Variants in RPGR observed in about 807,000 individuals in gnomAD.
RPGR encodes the protein X-linked retinitis pigmentosa GTPase regulator.
In RPGR, 10 loss-of-function variants were observed where a neutral mutation model predicts 56.3. The ratio of observed to expected loss-of-function variants is 0.18; its 90% CI spans 0.11 to 0.30. The LOEUF (loss-of-function observed/expected upper bound fraction) is 0.30. Among genes scored for constraint, RPGR ranks in the 10% least tolerant of loss-of-function variants. The pLI, the probability that RPGR is intolerant of heterozygous loss-of-function variation, is 1.00. For synonymous variants in RPGR, 197 were observed against 212.9 expected, an observed-to-expected ratio of 0.93 and a Z score of 0.65; for missense variants, 538 against 590.9, an observed-to-expected ratio of 0.91 and a Z score of 0.93.
intron 15 of RPGR, among the ~76,000 whole-genome samples, chrX:38,281,226 C>T (rs1273051871): frequency 2.7e-5 from 3 of 112,595 alleles, no homozygotes; most frequent in East Asian, 5.5e-4. Flanking sequence ...TAAACAAATG[C>T]ATGATCCACG....
chrX:38,298,993 T>C lies in RPGR; in HGVS notation c.1208A>G (p.Gln403Arg), dbSNP rs1175561018. The C allele has an allele frequency of 1.7e-6, 2 of 1,210,202 alleles. No individual in the cohort carries two copies. Among genetic ancestry groups the C allele is most frequent in the Non-Finnish European group, 2.2e-6 (2 of 895,337 alleles). ...CCGCATACGTGCTGATAGAGTCCTC[T>C]GCAGTACATTTCCTGAGGTTAAACT... Residue 403 changes from glutamine (Q) to arginine (R), a missense_variant, in exon 10 of 19, where the codon CAG becomes CGG. Gln to Arg is a conservative substitution (Grantham distance 43). Around this residue, in one of 2 missense-constraint regions of RPGR, gnomAD observed 357 missense variants for 325.8 expected, o/e 1.10. Transcript: ENST00000642395.
At chrX:38,272,941 A>G (rs2066868553) in intron 18 of RPGR, among the ~76,000 whole-genome samples, 1 of 111,779 alleles carries the variant, frequency 8.9e-6, no homozygotes. Flanking sequence ...AGTATAAAAA[A>G]TACTAAAAAC....
chrX:38,272,032 G>T (rs184011589), intron 18 of RPGR, among the ~76,000 whole-genome samples: 1 of 111,906 alleles, frequency 8.9e-6, no homozygotes, highest in Non-Finnish European at 1.9e-5. Context: ...TAAATAGGTA[G>T]GTTAAATAGC....
intron 14 of RPGR, chrX:38,287,621 T>C (rs1347162018): frequency 2.0e-6 from 1 of 512,364 alleles, no homozygotes; most frequent in South Asian, 2.5e-5. Context: ...ATCTTTTTTG[T>C]ACTCTTTTCC....
rs62640590 is a variant in RPGR, at chrX:38,304,664, C to G, written c.905G>C (p.Cys302Ser). ...TATCAAAGCTGTGTGATTTTCTCCA[C>G]AAGAAATATAACTTATTGTTTGATC... is the stretch of plus-strand genomic sequence containing the variant. Residue 302 changes from cysteine to serine, a missense_variant, in exon 8 of 19, where the codon TGT (cysteine) becomes TCT (serine). Cys to Ser is a moderately radical substitution (Grantham distance 112, BLOSUM62 -1). Transcript: ENST00000642395. The G allele has an allele frequency of 7.1e-4, 854 of 1,200,366 alleles. 2 individuals carry two copies. In the African/African-American group the frequency reaches 0.012, roughly 17 times the overall value.
rs1160775152 is a variant in RPGR, at chrX:38,297,286, G to T, written c.1412C>A (p.Pro471Gln). The change falls in exon 11 of 19, where the codon CCA (proline) becomes CAA (glutamine). Residue 471 changes from proline to glutamine, a missense_variant and splice_region_variant. Physicochemically the swap from Pro to Gln is moderately conservative, Grantham distance 76 (BLOSUM62 -1). Transcript: ENST00000642395. The stretch of plus-strand genomic sequence containing the variant: ...GCAGACAGAGTAGCAAATGTTACCT[G>T]GTTCCTCTGGCTGCATGAGGTCCTG... 1 of 1,209,293 alleles carries T rather than the reference G, an allele frequency of 8.3e-7. No individual in the cohort carries two copies.
intron 1 of RPGR, among the ~76,000 whole-genome samples, chrX:38,325,412 G>C (rs751036358): frequency 3.0e-4 from 33 of 111,319 alleles, no homozygotes; most frequent in African/African-American, 1.1e-3. Flanking sequence ...CATCATAATG[G>C]AGAGTTTGTA....
intron 10 of RPGR, among the ~76,000 whole-genome samples, chrX:38,297,910 A>G (rs1266898077): frequency 8.9e-6 from 1 of 112,116 alleles, no homozygotes; most frequent in Non-Finnish European, 1.9e-5. Flanking sequence ...TTTGAAACTT[A>G]TAGTAATTTT....
intron 8 of RPGR, 93 bp from the exon 9 acceptor site, chrX:38,301,464 A>G (rs2067500191): frequency 1.2e-6 from 1 of 816,149 alleles, no homozygotes; most frequent in East Asian, 3.3e-5. Flanking sequence ...TACTGCAATT[A>G]TAATTATCCC....
In RPGR at chrX:38,287,219, C is replaced by T; in HGVS notation, c.1780G>A (p.Glu594Lys). 1.7e-6 allele frequency: 2 copies of T among 1,210,574 alleles called. No homozygotes were observed. Among genetic ancestry groups the T allele is most frequent in the Non-Finnish European group, 2.2e-6 (2 of 895,326 alleles). The change falls in exon 15 of 19, where the codon GAG becomes AAG. Residue 594 changes from glutamate (E) to lysine (K), a missense_variant. Coordinates refer to ENST00000642395, the MANE Select transcript of RPGR (RefSeq NM_000328.3). ...TCTATTCCATTTCCTTTTGAATCCT[C>T]TGCTCCTTCCTTCTCCTCTGGGATC...
At chrX:38,297,654 A>G (rs1009415365) in intron 10 of RPGR, among the ~76,000 whole-genome samples, 40 of 111,449 alleles carry the variant, frequency 3.6e-4, no homozygotes, top group Admixed American at 9.6e-5. Context: ...CTAAATTTCA[A>G]TTTGGAAGCT....
chrX:38,286,884 C>A (rs1229557261), intron 15 of RPGR: 1 of 1,206,321 alleles, frequency 8.3e-7, no homozygotes, highest in Non-Finnish European at 1.1e-6. Context: ...CTTCCCCATC[C>A]CTCTTCTTCC....
rs1463327101 is a variant in RPGR, at chrX:38,269,335, A to G, written c.*291T>C. 1 of 164,312 alleles carries G rather than the reference A, an allele frequency of 6.1e-6. No homozygotes were observed. The highest frequency in any genetic ancestry group is 1.1e-5 in the Non-Finnish European group (1 of 87,859). 13.5% of individuals were successfully genotyped at this position (164,312 alleles called of 1,213,427 possible). The stretch of plus-strand genomic sequence containing the variant: ...AAAATTGTTTAGTAAAAACTAGGAA[A>G]TATCTTATTTCAATTTTCCACATAT... On this transcript the variant is annotated 3_prime_UTR_variant, in exon 19 of 19. Coordinates refer to ENST00000642395, the MANE Select transcript of RPGR (RefSeq NM_000328.3).
rs375144983 is a variant in RPGR, at chrX:38,273,484, T to C, written c.2150-7A>G. 14 of 1,170,949 alleles carry C rather than the reference T, an allele frequency of 1.2e-5. No individual in the cohort carries two copies. The African/African-American group carries it at 1.4e-4, about 12-fold the overall frequency. ...GCATCATCAAGCATGTATCCTACAA[T>C]TGGATCATTCAGAAATACTAGTTTT... On this transcript the variant is annotated splice_region_variant and splice_polypyrimidine_tract_variant and intron_variant, in intron 17 of 18. Transcript: ENST00000642395.
intron 1 of RPGR, among the ~76,000 whole-genome samples, chrX:38,326,266 A>C (rs1186507628): frequency 8.9e-6 from 1 of 111,962 alleles, no homozygotes; most frequent in Non-Finnish European, 1.9e-5. Flanking sequence ...ATGTCTCACT[A>C]AATTGTGAAC....
At chrX:38,272,227 T>A (rs1021742951) in intron 18 of RPGR, 3 of 111,200 alleles carry the variant, frequency 2.7e-5, no homozygotes, top group Non-Finnish European at 5.7e-5. Flanking sequence ...GATGAGAATT[T>A]TAAAAAAATT....
chrX:38,286,684 T>G, intron 15 of RPGR: 1 of 1,144,673 alleles, frequency 8.7e-7, no homozygotes, highest in Non-Finnish European at 1.2e-6. Context: ...CCTCTCTCCT[T>G]CCTCCTTTTC....
chrX:38,310,045 C>G (rs968639372), intron 7 of RPGR, among the ~76,000 whole-genome samples: 1 of 110,451 alleles, frequency 9.1e-6, no homozygotes, highest in African/African-American at 3.3e-5. Context: ...GTGGGACAAT[C>G]ACAGCTCACC....
chrX:38,322,750 A>T, intron 3 of RPGR, 103 bp downstream of exon 3: 1 of 632,627 alleles, frequency 1.6e-6, no homozygotes. Context: ...CAAATGTCAG[A>T]AAATAAAGAA....
Sources: allele counts gnomAD v4.1 joint callset (sites outside exome capture counted in the v4.1 genomes callset), GRCh38; gene constraint gnomAD v4.1.1; regional missense constraint gnomAD v4.1.1; transcripts MANE v1.5; gene names NCBI Gene and HGNC (gene_info 2026-07-23, HGNC 2026-07-21).